Variants in SEMA6D observed in about 807,000 individuals in gnomAD.
SEMA6D encodes the protein semaphorin 6D.
SEMA6D carries 35 observed loss-of-function variants against 106.6 expected under a neutral mutation model. The observed-to-expected ratio is 0.33, with a 90% CI of 0.25 to 0.44. SEMA6D has a LOEUF of 0.44. Ranked by LOEUF, SEMA6D falls within the 20% of genes least tolerant of loss-of-function variation. The pLI, the probability that SEMA6D is intolerant of heterozygous loss-of-function variation, is 1.00. For synonymous variants in SEMA6D, 499 were observed against 487.7 expected (o/e 1.02, Z -0.31); for missense variants, 1,185 against 1,345.9 (o/e 0.88, Z 1.87).
intron 3 of SEMA6D, among the ~76,000 whole-genome samples, chr15:47,477,247 T>C (rs990819846): frequency 2.6e-5 from 4 of 152,304 alleles, no homozygotes; most frequent in African/African-American, 9.6e-5. Flanking sequence ...AATTATGTTA[T>C]CAGTCCCGTC....
intron 4 of SEMA6D, among the ~76,000 whole-genome samples, chr15:47,690,321 A>AT (rs1298893909): frequency 1.3e-5 from 2 of 152,222 alleles, no homozygotes; most frequent in African/African-American, 4.8e-5. Context: ...TGGGAAAGGA[A>AT]TAGCATTTGA....
intron 3 of SEMA6D, among the ~76,000 whole-genome samples, chr15:47,494,791 A>ATATATAG (rs2043597859): frequency 3.5e-5 from 2 of 56,948 alleles, no homozygotes; most frequent in Non-Finnish European, 7.7e-5. Context: ...TATATATATA[A>ATATATAG]TCTCCAGATA....
At chr15:47,245,520 C>G (rs972995212) in intron 1 of SEMA6D, among the ~76,000 whole-genome samples, 1 of 152,100 alleles carries the variant, frequency 6.6e-6, no homozygotes, top group Non-Finnish European at 1.5e-5. Flanking sequence ...CAGATGGGGC[C>G]AGAATATAGC....
intron 1 of SEMA6D, among the ~76,000 whole-genome samples, chr15:47,331,372 G>C (rs933855258): frequency 1.3e-5 from 2 of 152,160 alleles, no homozygotes; most frequent in South Asian, 4.1e-4. Flanking sequence ...ATTTAGAATA[G>C]TGAAAAATCA....
chr15:47,577,743 C>G (rs188590396), intron 3 of SEMA6D, among the ~76,000 whole-genome samples: 1 of 152,158 alleles, frequency 6.6e-6, no homozygotes, highest in Non-Finnish European at 1.5e-5. Flanking sequence ...GACAGTCTGC[C>G]GCTCCAGCTG....
intron 1 of SEMA6D, among the ~76,000 whole-genome samples, chr15:47,293,423 T>C (rs776809060): frequency 1.3e-5 from 2 of 152,194 alleles, no homozygotes; most frequent in Non-Finnish European, 2.9e-5. Context: ...TTGGTGAGAT[T>C]AGCCTAAATT....
At chr15:47,347,544 G>A (rs1343074096) in intron 1 of SEMA6D, among the ~76,000 whole-genome samples, 4 of 152,048 alleles carry the variant, frequency 2.6e-5, no homozygotes, top group East Asian at 1.9e-4. Context: ...AAAAACCCAC[G>A]GGTAATAAAA....
chr15:47,694,747 A>AT (rs1312076838), intron 4 of SEMA6D, among the ~76,000 whole-genome samples: 5 of 152,242 alleles, frequency 3.3e-5, no homozygotes, highest in Admixed American at 6.5e-5. Flanking sequence ...ACTGCAAGTT[A>AT]TTTTTTGCAG....
intron 3 of SEMA6D, among the ~76,000 whole-genome samples, chr15:47,599,161 AC>A (rs931759931): frequency 1.2e-4 from 19 of 152,278 alleles, no homozygotes; most frequent in African/African-American, 4.6e-4. Flanking sequence ...TTATGCACAT[AC>A]ATTTAAATAC....
chr15:47,743,966 A>G (rs2080968024), intron 1 of SEMA6D, among the ~76,000 whole-genome samples: 1 of 152,198 alleles, frequency 6.6e-6, no homozygotes, highest in South Asian at 2.1e-4. Context: ...ACCTGGAGAC[A>G]GGTGACCCAG....
intron 3 of SEMA6D, among the ~76,000 whole-genome samples, chr15:47,552,039 C>CAAAAAAAAAAAAAAAAA (rs148219211): frequency 1.3e-5 from 2 of 149,754 alleles, no homozygotes; most frequent in African/African-American, 4.9e-5. Context: ...AGGAAACAGA[C>CAAAAAAAAAAAAAAAAA]AAAAAAAAAG....
chr15:47,377,676 C>G (rs1344583207), intron 1 of SEMA6D, among the ~76,000 whole-genome samples: 1 of 152,172 alleles, frequency 6.6e-6, no homozygotes, highest in Non-Finnish European at 1.5e-5. Context: ...GTGGCTGAGT[C>G]AGAAGCAGGA....
At chr15:47,263,582 C>A (rs756032766) in intron 1 of SEMA6D, among the ~76,000 whole-genome samples, 1 of 151,946 alleles carries the variant, frequency 6.6e-6, no homozygotes, top group Admixed American at 6.6e-5. Flanking sequence ...AAAAGGAGCA[C>A]GTATACACTG....
chr15:47,617,076 G>A (rs561287790), intron 4 of SEMA6D, among the ~76,000 whole-genome samples: 1 of 152,242 alleles, frequency 6.6e-6, no homozygotes, highest in East Asian at 1.9e-4. Flanking sequence ...CCTTCTATGA[G>A]CCCAACAGTG....
chr15:47,284,388 G>A (rs753631759), intron 1 of SEMA6D, among the ~76,000 whole-genome samples: 6 of 152,156 alleles, frequency 3.9e-5, no homozygotes, highest in Non-Finnish European at 5.9e-5. Context: ...CTGGGCCCCC[G>A]TTTCTTAACC....
At chr15:47,547,973 C>G (rs2045574210) in intron 3 of SEMA6D, among the ~76,000 whole-genome samples, 1 of 152,136 alleles carries the variant, frequency 6.6e-6, no homozygotes, top group Non-Finnish European at 1.5e-5. Flanking sequence ...AAAATGAAAA[C>G]ATGTTTTTTT....
intron 3 of SEMA6D, among the ~76,000 whole-genome samples, chr15:47,553,418 T>C (rs190989342): frequency 6.6e-6 from 1 of 152,276 alleles, no homozygotes; most frequent in African/African-American, 2.4e-5. Context: ...CAGGATTGCA[T>C]AAAACACCTT....
intron 12 of SEMA6D, 21 bp from the exon 13 acceptor site, chr15:47,764,862 C>T (rs771522970): frequency 2.5e-6 from 4 of 1,613,646 alleles, no homozygotes; most frequent in Non-Finnish European, 3.4e-6. Context: ...CCCTTCTGAT[C>T]TGTGCCGCCT....
chr15:47,494,430 T>C (rs2043571731), intron 3 of SEMA6D, among the ~76,000 whole-genome samples: 1 of 151,984 alleles, frequency 6.6e-6, no homozygotes. Context: ...CTAGATGTCC[T>C]AAAGAAATTT....
Sources: allele counts gnomAD v4.1 joint callset (sites outside exome capture counted in the v4.1 genomes callset), GRCh38; gene constraint gnomAD v4.1.1; transcripts MANE v1.5; gene names NCBI Gene and HGNC (gene_info 2026-07-23, HGNC 2026-07-21).